Variants in SOX5 observed in about 807,000 individuals in gnomAD.
The protein encoded by SOX5 is transcription factor SOX-5.
A neutral mutation model predicts 92.0 loss-of-function variants in SOX5; 9 were observed. The observed-to-expected ratio is 0.10, with a 90% CI of 0.06 to 0.17. The LOEUF is 0.17. Ranked by LOEUF, SOX5 falls within the 10% of genes least tolerant of loss-of-function variation. The pLI is 1.00. For synonymous variants in SOX5, 344 were observed against 336.3 expected, an observed-to-expected ratio of 1.02 and a Z score of -0.25; for missense variants, 642 against 944.5, an observed-to-expected ratio of 0.68 and a Z score of 4.20.
intron 6 of SOX5, among the ~76,000 whole-genome samples, chr12:23,667,131 G>A (rs567881087): frequency 4.6e-4 from 70 of 152,124 alleles, no homozygotes; most frequent in Non-Finnish European, 8.7e-4. Flanking sequence ...GGTGGTGGGG[G>A]CGGCAGAGAG....
intron 4 of SOX5, among the ~76,000 whole-genome samples, chr12:24,033,427 A>T (rs1955706000): frequency 6.6e-6 from 1 of 152,028 alleles, no homozygotes; most frequent in Non-Finnish European, 1.5e-5. Flanking sequence ...TTAAAAAAAG[A>T]GTATCAATCC....
In SOX5 at chr12:24,137,114, C is replaced by T. The variant is rs955155593; in HGVS notation, c.-2+76229G>A. Among the ~76,000 whole-genome samples the T allele has an allele frequency of 2.6e-5, 4 of 152,308 alleles. No homozygotes were observed. The South Asian group carries it at 8.3e-4, about 32-fold the overall frequency. ...TCATGATCCAGTTTCCAAAATCCAG[C>T]TTCTTTTTAGTGGTTTGTTGTACAT... On this transcript the variant is annotated intron_variant, in intron 4 of 4. Coordinates refer to the SOX5 transcript ENST00000446891.
At chr12:24,522,351 T>C (rs1950335137) in intron 1 of SOX5, among the ~76,000 whole-genome samples, 1 of 150,858 alleles carries the variant, frequency 6.6e-6, no homozygotes, top group South Asian at 2.1e-4. Context: ...AAAGAAAAAT[T>C]AATGCCAAGC....
Position 23,532,025 on chromosome 12 carries a change from A to G in SOX5, c.*2194T>C, listed in dbSNP as rs562127348. 2 of 151,058 alleles carry G rather than the reference A, an allele frequency of 1.3e-5. No homozygotes were observed. The highest frequency in any genetic ancestry group is 2.9e-5 in the Non-Finnish European group (2 of 67,818). 9.4% of individuals were successfully genotyped at this position (151,058 alleles called of 1,614,324 possible). A position where few individuals can be genotyped will look rare whatever the true frequency, so the allele number is the denominator to read the frequency against. On this transcript the variant is annotated 3_prime_UTR_variant, in exon 15 of 15. Transcript: ENST00000451604. ...CTTATTGGCTGCACTTCCAAATCAG[A>G]GCAGAATAAAATAGAAAGGGAGAAA...
intron 2 of SOX5, among the ~76,000 whole-genome samples, chr12:24,310,166 T>A (rs990123715): frequency 2.0e-5 from 3 of 152,212 alleles, no homozygotes; most frequent in Admixed American, 2.0e-4. Context: ...AATGTATTTA[T>A]AGCCTACCTT....
intron 3 of SOX5, among the ~76,000 whole-genome samples, chr12:24,252,363 C>T (rs904402816): frequency 1.3e-5 from 2 of 152,112 alleles, no homozygotes; most frequent in East Asian, 1.9e-4. Context: ...CCTCACCTGC[C>T]TTCGTTTTTA....
At chr12:23,740,774 CTT>C in intron 5 of SOX5, 91 bp downstream of exon 5, 2 of 1,062,644 alleles carry the variant, frequency 1.9e-6, no homozygotes, top group East Asian at 5.3e-5. Context: ...GGAAGGGACT[CTT>C]ATTCATTGTT....
chr12:24,483,122 T>C (rs1336870987), intron 1 of SOX5, among the ~76,000 whole-genome samples: 3 of 152,190 alleles, frequency 2.0e-5, no homozygotes, highest in Non-Finnish European at 4.4e-5. Context: ...AACCACTCAT[T>C]TGTTGACTAA....
At chr12:24,264,948 T>C (rs1373132101) in intron 3 of SOX5, among the ~76,000 whole-genome samples, 2 of 152,176 alleles carry the variant, frequency 1.3e-5, no homozygotes, top group African/African-American at 4.8e-5. Flanking sequence ...TGAATTCAAA[T>C]TAAGGCAAAA....
intron 1 of SOX5, among the ~76,000 whole-genome samples, chr12:24,405,555 T>C (rs1180914102): frequency 6.6e-6 from 1 of 152,164 alleles, no homozygotes; most frequent in Admixed American, 6.5e-5. Context: ...TAAGGGCAGA[T>C]GTAAACCCCT....
chr12:24,481,960 A>G (rs573305240), intron 1 of SOX5, among the ~76,000 whole-genome samples: 2 of 152,238 alleles, frequency 1.3e-5, no homozygotes, highest in Non-Finnish European at 2.9e-5. Flanking sequence ...GAGAACTCTG[A>G]TTATTCATAA....
At chr12:24,448,985 G>A (rs1430924155) in intron 1 of SOX5, among the ~76,000 whole-genome samples, 1 of 151,782 alleles carries the variant, frequency 6.6e-6, no homozygotes, top group African/African-American at 2.4e-5. Context: ...TTTCCTCCCC[G>A]CTACACCCCG....
intron 3 of SOX5, among the ~76,000 whole-genome samples, chr12:24,245,933 G>A (rs929127138): frequency 6.6e-6 from 1 of 152,096 alleles, no homozygotes; most frequent in Non-Finnish European, 1.5e-5. Flanking sequence ...CTTAACTTGT[G>A]GAAATTTTTA....
intron 1 of SOX5, among the ~76,000 whole-genome samples, chr12:24,438,810 CAA>C (rs1939959266): frequency 6.6e-6 from 1 of 152,162 alleles, no homozygotes; most frequent in Non-Finnish European, 1.5e-5. Context: ...GATGAACAAA[CAA>C]AGAGGTTTCT....
At chr12:24,219,294 T>G (rs1361307197) in intron 3 of SOX5, among the ~76,000 whole-genome samples, 1 of 152,024 alleles carries the variant, frequency 6.6e-6, no homozygotes, top group Non-Finnish European at 1.5e-5. Context: ...TCATGATAAC[T>G]AAAGGAGTGG....
intron 6 of SOX5, among the ~76,000 whole-genome samples, chr12:23,701,264 C>T (rs992534280): frequency 1.8e-4 from 28 of 151,952 alleles, no homozygotes; most frequent in African/African-American, 6.3e-4. Context: ...GCACAGCAAC[C>T]ACATTTTGTT....
In SOX5 at chr12:24,304,309, G is replaced by T. The variant is rs558743430; in HGVS notation, c.-173-26997C>A. ...TTTAGAATATCGGATATGTTGGGTA[G>T]AAGAATGGAAAATGAAGTAGAAATG... On this transcript the variant is annotated intron_variant, in intron 2 of 4. Transcript: ENST00000446891. Among the ~76,000 whole-genome samples, 20 of 152,308 alleles carry T rather than the reference G, an allele frequency of 1.3e-4. 1 individual carries two copies. The South Asian group carries it at 3.1e-3, about 24-fold the overall frequency.
At chr12:23,536,694 C>A in intron 13 of SOX5, 25 bp from the exon 14 acceptor site, 1 of 1,538,044 alleles carries the variant, frequency 6.5e-7, no homozygotes, top group East Asian at 2.2e-5. Context: ...GGTTAGGATT[C>A]CAATTTGCAC....
chr12:23,645,693 A>G lies in SOX5; in HGVS notation c.932-4796T>C, dbSNP rs138196081. On this transcript the variant is annotated intron_variant, in intron 7 of 14. Transcript: ENST00000451604. ...TATTCCATAAAATTTAAAAATATGC[A>G]TATGTTATAATCTTTTTATTTCCTA... Among the ~76,000 whole-genome samples the G allele has an allele frequency of 1.2e-3, 182 of 152,234 alleles. 3 individuals are homozygous for G. The East Asian group carries it at 0.035, about 29-fold the overall frequency.
Sources: gnomAD v4.1 joint callset for allele counts (sites outside exome capture counted in the v4.1 genomes callset) on GRCh38, gnomAD v4.1.1 for gene constraint, MANE v1.5 for transcripts, NCBI Gene and HGNC (gene_info 2026-07-23, HGNC 2026-07-21) for gene names.